Variants in SPRY3 observed in about 807,000 individuals in gnomAD.
The protein encoded by SPRY3 is sprouty RTK signaling antagonist 3, also known as protein sprouty homolog 3.
In SPRY3, 15 loss-of-function variants were observed where a neutral mutation model predicts 20.2. The observed-to-expected ratio is 0.74, with a 90% CI of 0.50 to 1.14. The LOEUF (loss-of-function observed/expected upper bound fraction) is 1.14. SPRY3 is among the 50% of genes most tolerant of loss of function. The pLI is 0.00. For synonymous variants in SPRY3, 143 were observed against 136.5 expected, an observed-to-expected ratio of 1.05 and a Z score of -0.33; for missense variants, 364 against 363.9, an observed-to-expected ratio of 1.00 and a Z score of 0.00.
intron 1 of SPRY3, among the ~76,000 whole-genome samples, chrX:155,616,125 T>TC (rs2067851556): frequency 2.0e-5 from 1 of 51,213 alleles, no homozygotes; most frequent in Non-Finnish European, 5.2e-5. Flanking sequence ...TCTCTCTCTC[T>TC]CTCTCCTCTC....
At chrX:155,662,793 C>A (rs1319362777) in intron 2 of SPRY3, among the ~76,000 whole-genome samples, 1 of 109,087 alleles carries the variant, frequency 9.2e-6, no homozygotes, top group Admixed American at 9.9e-5. Flanking sequence ...GGTTCAAATG[C>A]CTGTAAGGGA....
chrX:155,646,795 T>C (rs1444866818), intron 1 of SPRY3, among the ~76,000 whole-genome samples: 1 of 111,764 alleles, frequency 8.9e-6, no homozygotes, highest in South Asian at 3.7e-4. Flanking sequence ...TTTTTCTTGC[T>C]TAATTGCTCT....
At chrX:155,661,537 A>G (rs1832414853) in intron 2 of SPRY3, among the ~76,000 whole-genome samples, 1 of 111,721 alleles carries the variant, frequency 9.0e-6, no homozygotes, top group African/African-American at 3.3e-5. Flanking sequence ...TCTGTCTTCC[A>G]GGAATTCTTT....
At chrX:155,709,922 T>A (rs1329726532) in intron 2 of SPRY3, among the ~76,000 whole-genome samples, 1 of 151,828 alleles carries the variant, frequency 6.6e-6, no homozygotes, top group Non-Finnish European at 1.5e-5. Flanking sequence ...GAGACTTCCT[T>A]TTCCCCAATG....
intron 2 of SPRY3, among the ~76,000 whole-genome samples, chrX:155,723,529 A>G (rs2091076468): frequency 6.6e-6 from 1 of 152,122 alleles, no homozygotes; most frequent in African/African-American, 2.4e-5. Context: ...TTCTCTGATG[A>G]CCAGTGATGA....
chrX:155,677,023 T>C (rs1239099406), intron 2 of SPRY3, among the ~76,000 whole-genome samples: 2 of 111,948 alleles, frequency 1.8e-5, no homozygotes, highest in Non-Finnish European at 3.8e-5. Context: ...GATGTATTCT[T>C]TCAGTCAGTT....
chrX:155,758,930 C>CTAG (rs2091293632), intron 2 of SPRY3, among the ~76,000 whole-genome samples: 1 of 152,064 alleles, frequency 6.6e-6, no homozygotes, highest in African/African-American at 2.4e-5. Context: ...AATGTGTAGC[C>CTAG]TTCTAGAGAA....
chrX:155,650,479 T>G (rs2067973156), intron 1 of SPRY3, among the ~76,000 whole-genome samples: 1 of 112,157 alleles, frequency 8.9e-6, no homozygotes, highest in African/African-American at 3.2e-5. Flanking sequence ...AATTATAAAT[T>G]GATTTATGAC....
rs782023216 is a variant in SPRY3, at chrX:155,660,664, G to A, written c.-282+3639G>A. On this transcript the variant is annotated intron_variant, in intron 2 of 3. Coordinates refer to ENST00000675360, the Ensembl canonical transcript of SPRY3. ...CATTGCTGTCTATCTCTTTTCTTAG[G>A]TCTAGTAGTATTCATTTTTATAAAT... Among the ~76,000 whole-genome samples, 3 of 110,810 alleles carry A rather than the reference G, an allele frequency of 2.7e-5. No individual in the cohort carries two copies. In the East Asian group the frequency reaches 8.5e-4, roughly 31 times the overall value.
chrX:155,765,052 G>T (rs1304102511), intron 2 of SPRY3, among the ~76,000 whole-genome samples: 4 of 152,102 alleles, frequency 2.6e-5, no homozygotes, highest in African/African-American at 9.7e-5. Flanking sequence ...TTTTATAAGA[G>T]AACTAATCCC....
intron 2 of SPRY3, among the ~76,000 whole-genome samples, chrX:155,708,883 C>G (rs936126301): frequency 2.0e-5 from 3 of 151,400 alleles, no homozygotes; most frequent in African/African-American, 7.2e-5. Context: ...CCATCCCCAC[C>G]TTTTCCCTAT....
chrX:155,736,412 A>G (rs1246291858), intron 2 of SPRY3, among the ~76,000 whole-genome samples: 1 of 151,842 alleles, frequency 6.6e-6, no homozygotes, highest in Non-Finnish European at 1.5e-5. Context: ...TTTGTATGAG[A>G]AAGTCTTTAT....
chrX:155,678,118 T>G (rs997804637), intron 2 of SPRY3, among the ~76,000 whole-genome samples: 1 of 111,325 alleles, frequency 9.0e-6, no homozygotes, highest in Non-Finnish European at 1.9e-5. Context: ...TACTGTCTTA[T>G]TGAATGAGAT....
At chrX:155,709,246 A>G (rs1427565358) in intron 2 of SPRY3, among the ~76,000 whole-genome samples, 1 of 151,608 alleles carries the variant, frequency 6.6e-6, no homozygotes, top group Admixed American at 6.6e-5. Context: ...GAACCTCCAA[A>G]CTGTTCTCCA....
chrX:155,705,280 A>C (rs2090942505), intron 2 of SPRY3, among the ~76,000 whole-genome samples: 1 of 151,566 alleles, frequency 6.6e-6, no homozygotes, highest in Admixed American at 6.6e-5. Context: ...CTTACACTTC[A>C]TGTGAAGTAG....
At chrX:155,766,247 G>A (rs895765321) in intron 2 of SPRY3, among the ~76,000 whole-genome samples, 11 of 152,036 alleles carry the variant, frequency 7.2e-5, no homozygotes, top group Non-Finnish European at 1.5e-4. Flanking sequence ...CCACACAGCC[G>A]TACTTTTTTA....
chrX:155,647,088 T>G (rs1229315605), intron 1 of SPRY3, among the ~76,000 whole-genome samples: 1 of 111,644 alleles, frequency 9.0e-6, no homozygotes, highest in East Asian at 2.8e-4. Context: ...CCACATAGTT[T>G]TGTTCAAGTC....
In SPRY3 at chrX:155,638,293, AATATATATATATATATATATATATATAT is replaced by A. The variant is rs55937159; in HGVS notation, c.-440-18525_-440-18498del. 1.2e-3 allele frequency among the ~76,000 whole-genome samples: 64 copies of A among 53,426 alleles called. 3 individuals are homozygous for A. The highest frequency in any genetic ancestry group is 5.3e-3 in the African/African-American group (54 of 10,183). The allele number at this position is 53,426 out of a possible 115,157, so 46.4% of individuals were successfully genotyped here. A position where few individuals can be genotyped will look rare whatever the true frequency, so the allele number is the denominator to read the frequency against. ...AACATGGCGAGCCCCTGCCTCCTCTAATATATATATATATATATATATATATATATATATATATATATATATATATATA... is the reference window on the plus strand; with the variant it reads ...AACATGGCGAGCCCCTGCCTCCTCTAATATATATATATATATATATATATA... On this transcript the variant is annotated intron_variant, in intron 1 of 3. Coordinates refer to ENST00000675360, the Ensembl canonical transcript of SPRY3.
At chrX:155,714,944 T>C (rs1051783971) in intron 2 of SPRY3, among the ~76,000 whole-genome samples, 3 of 152,066 alleles carry the variant, frequency 2.0e-5, no homozygotes, top group Non-Finnish European at 2.9e-5. Flanking sequence ...TGGTGAATGC[T>C]GCCATTCCTG....
Sources: gnomAD v4.1 joint callset for allele counts (sites outside exome capture counted in the v4.1 genomes callset) on GRCh38, gnomAD v4.1.1 for gene constraint, MANE v1.5 for transcripts, NCBI Gene and HGNC (gene_info 2026-07-23, HGNC 2026-07-21) for gene names.